GPHN: variants seen among roughly 807,000 people sequenced by gnomAD.
GPHN encodes gephyrin.
In GPHN, 17 loss-of-function variants were observed where a neutral mutation model predicts 95.5. The observed-to-expected ratio is 0.18, with a 90% CI of 0.12 to 0.27. The LOEUF (loss-of-function observed/expected upper bound fraction) is 0.27, where lower values mean the gene tolerates loss of function less well. GPHN is among the 10% of genes least tolerant of loss of function. The pLI is 1.00. For missense variants in GPHN, 660 were observed against 978.1 expected, an observed-to-expected ratio of 0.67 and a Z score of 4.34; for synonymous variants, 320 against 322.5, an observed-to-expected ratio of 0.99 and a Z score of 0.08.
the GPHN span, chr14:67,292,691 T>C: frequency 6.2e-6 from 10 of 1,613,680 alleles, no homozygotes; most frequent in African/African-American, 1.3e-5. Flanking sequence ...TTTCCTCTTA[T>C]CTCCAACGCA....
chr14:67,522,446 G>A, the GPHN span, among the ~76,000 whole-genome samples: 1 of 152,186 alleles, frequency 6.6e-6, no homozygotes, highest in Non-Finnish European at 1.5e-5. Flanking sequence ...TTGTTGAGGC[G>A]AGCCTGGTTA....
At chr14:67,656,321 G>A in the GPHN span, 1 of 1,168,790 alleles carries the variant, frequency 8.6e-7, no homozygotes, top group Non-Finnish European at 1.1e-6. Context: ...CCTGAATACA[G>A]AACTGCTGTA....
At chr14:66,584,980 T>G (rs2067260255) in intron 1 of GPHN, among the ~76,000 whole-genome samples, 1 of 152,204 alleles carries the variant, frequency 6.6e-6, no homozygotes, top group African/African-American at 2.4e-5. Flanking sequence ...TTCCTCCTTG[T>G]ACCTCTGGTG....
intron 6 of GPHN, among the ~76,000 whole-genome samples, chr14:66,916,624 A>C (rs1035139227): frequency 2.0e-5 from 3 of 151,822 alleles, no homozygotes; most frequent in Non-Finnish European, 4.4e-5. Context: ...AGTATGTTCC[A>C]GAACTGACAC....
At chr14:67,663,270 A>T in the GPHN span, 1 of 1,032,020 alleles carries the variant, frequency 9.7e-7, no homozygotes, top group Non-Finnish European at 1.4e-6. Flanking sequence ...GTATTTTCTG[A>T]TAGTTTATAC....
At chr14:66,700,596 T>C (rs2068461849) in intron 2 of GPHN, among the ~76,000 whole-genome samples, 1 of 152,236 alleles carries the variant, frequency 6.6e-6, no homozygotes, top group African/African-American at 2.4e-5. Flanking sequence ...TTTGCATTTA[T>C]TATTCATCCT....
chr14:67,366,846 G>A, the GPHN span, among the ~76,000 whole-genome samples: 2 of 152,184 alleles, frequency 1.3e-5, no homozygotes, highest in Non-Finnish European at 2.9e-5. Context: ...GAAAGGGTAT[G>A]TTTTCTGTTT....
intron 18 of GPHN, among the ~76,000 whole-genome samples, chr14:67,150,487 T>C (rs7150089): frequency 0.24 from 34,783 of 146,552 alleles, 8,772 homozygotes; most frequent in African/African-American, 0.61. Context: ...TGTAAGGTTT[T>C]CAGAATAATT....
At chr14:66,661,509 G>A (rs760223829) in intron 1 of GPHN, among the ~76,000 whole-genome samples, 2 of 151,912 alleles carry the variant, frequency 1.3e-5, no homozygotes, top group Admixed American at 1.3e-4. Flanking sequence ...GAGTGCCTGC[G>A]GGGAGGGGCA....
chr14:66,744,692 T>C (rs554288304), intron 2 of GPHN, among the ~76,000 whole-genome samples: 84 of 152,204 alleles, frequency 5.5e-4, no homozygotes, highest in Non-Finnish European at 9.9e-4. Context: ...GAATTGTGGT[T>C]GACTGAGCAT....
chr14:67,280,792 TTTCCTTCCTTCCTTCCTTCC>T, the GPHN span, among the ~76,000 whole-genome samples: 59 of 77,664 alleles, frequency 7.6e-4, no homozygotes, highest in East Asian at 7.9e-3. Context: ...TCTGGAGCAG[TTTCCTTCCTTCCTTCCTTCC>T]TTCCTTCCTT....
chr14:66,828,169 ATATC>A (rs1445620682), intron 4 of GPHN, among the ~76,000 whole-genome samples: 12 of 151,896 alleles, frequency 7.9e-5, no homozygotes, highest in Non-Finnish European at 4.4e-5. Context: ...TATGATATGA[ATATC>A]TATGGCAAAA....
At chr14:66,902,832 T>A (rs1428262965) in intron 5 of GPHN, among the ~76,000 whole-genome samples, 1 of 152,090 alleles carries the variant, frequency 6.6e-6, no homozygotes, top group Non-Finnish European at 1.5e-5. Context: ...TTTTGTTTTA[T>A]CCTTTTTGGT....
chr14:67,627,163 A>G, the GPHN span, among the ~76,000 whole-genome samples: 2 of 151,896 alleles, frequency 1.3e-5, no homozygotes, highest in Non-Finnish European at 2.9e-5. Flanking sequence ...TATATTAGAA[A>G]GCACTGAATT....
At chr14:67,717,011 CTTCT>C in the GPHN span, among the ~76,000 whole-genome samples, 4 of 152,058 alleles carry the variant, frequency 2.6e-5, no homozygotes, top group East Asian at 1.9e-4. Flanking sequence ...GTTTTACTTC[CTTCT>C]ATCAATCTAC....
chr14:67,341,667 ACC>A, the GPHN span, among the ~76,000 whole-genome samples: 6 of 151,816 alleles, frequency 4.0e-5, no homozygotes, highest in African/African-American at 1.2e-4. Flanking sequence ...CCCGGCCACC[ACC>A]CCGTCTGGGA....
intron 9 of GPHN, among the ~76,000 whole-genome samples, chr14:66,976,994 CTA>C (rs1344421215): frequency 9.3e-5 from 14 of 150,394 alleles, no homozygotes; most frequent in Non-Finnish European, 1.6e-4. Context: ...AAATTGATGA[CTA>C]TTTAAAAACT....
At position 67,058,794 on chromosome 14, in the gene GPHN, T is replaced by A; in HGVS notation, c.1144+8T>A. On this transcript the variant is annotated splice_region_variant and intron_variant, in intron 11 of 22. Coordinates refer to ENST00000478722, the MANE Select transcript of GPHN (RefSeq NM_020806.5). ...AAATCATCAATTACCGAGGTACTAT[T>A]ATATTTGACCATTGCCCTTTCTTTT... 1 of 1,612,172 alleles carries A rather than the reference T, an allele frequency of 6.2e-7. No individual in the cohort carries two copies. The highest frequency in any genetic ancestry group is 8.5e-7 in the Non-Finnish European group (1 of 1,178,360).
the GPHN span, among the ~76,000 whole-genome samples, chr14:67,665,457 T>C: frequency 3.9e-5 from 6 of 151,936 alleles, no homozygotes; most frequent in Admixed American, 3.9e-4. Flanking sequence ...TTGGTAGAGA[T>C]GGGGCCTCAC....
Sources: allele counts gnomAD v4.1 joint callset (sites outside exome capture counted in the v4.1 genomes callset), GRCh38; gene constraint gnomAD v4.1.1; transcripts MANE v1.5; gene names NCBI Gene and HGNC (gene_info 2026-07-23, HGNC 2026-07-21).